FBXL17: variants seen among roughly 807,000 people sequenced by gnomAD.
FBXL17 encodes the protein F-box and leucine rich repeat protein 17, also known as F-box/LRR-repeat protein 17.
In FBXL17, 22 loss-of-function variants were observed where a neutral mutation model predicts 66.2. The ratio of observed to expected loss-of-function variants is 0.33; its 90% CI spans 0.24 to 0.47. The LOEUF (loss-of-function observed/expected upper bound fraction) is 0.47, where lower values mean the gene tolerates loss of function less well. Among genes scored for constraint, FBXL17 ranks in the 20% least tolerant of loss-of-function variants. The pLI, the probability that FBXL17 is intolerant of heterozygous loss-of-function variation, is 1.00. For missense variants in FBXL17, 878 were observed against 948.2 expected, an observed-to-expected ratio of 0.93 and a Z score of 0.97; for synonymous variants, 474 against 400.5, an observed-to-expected ratio of 1.18 and a Z score of -2.19.
At chr5:108,298,490 G>C in intron 4 of FBXL17, 1 of 975,890 alleles carries the variant, frequency 1.0e-6, no homozygotes. Context: ...AAAGCCCTAA[G>C]TTTTTCTTTA....
intron 4 of FBXL17, among the ~76,000 whole-genome samples, chr5:108,339,255 A>G (rs1746721601): frequency 1.3e-5 from 2 of 152,234 alleles, no homozygotes; most frequent in Admixed American, 6.5e-5. Flanking sequence ...GGATAAAAAC[A>G]TAAGCCAAAA....
chr5:108,327,521 T>C (rs938265139), intron 4 of FBXL17, among the ~76,000 whole-genome samples: 4 of 152,136 alleles, frequency 2.6e-5, no homozygotes, highest in South Asian at 2.1e-4. Flanking sequence ...AAGAAAATGA[T>C]AGACACCAAG....
intron 7 of FBXL17, among the ~76,000 whole-genome samples, chr5:107,964,138 T>G (rs1433891334): frequency 1.3e-5 from 2 of 152,192 alleles, no homozygotes; most frequent in African/African-American, 2.4e-5. Flanking sequence ...AGCTGGCAAC[T>G]TTTTACTTCA....
chr5:108,360,829 T>C (rs71592750), intron 3 of FBXL17, among the ~76,000 whole-genome samples: 44 of 152,148 alleles, frequency 2.9e-4, no homozygotes, highest in Admixed American at 9.8e-4. Flanking sequence ...TGTCCTATCT[T>C]CTTTCTTCCA....
At chr5:108,366,575 G>A (rs1195802383) in intron 2 of FBXL17, among the ~76,000 whole-genome samples, 1 of 151,776 alleles carries the variant, frequency 6.6e-6, no homozygotes, top group African/African-American at 2.4e-5. Context: ...GGTGGGGAGG[G>A]GGTTTGGGTG....
At chr5:108,103,117 G>T (rs1390598040) in intron 6 of FBXL17, among the ~76,000 whole-genome samples, 1 of 152,104 alleles carries the variant, frequency 6.6e-6, no homozygotes, top group Admixed American at 6.5e-5. Context: ...GTCTCTAAAG[G>T]TTTTATTTTA....
intron 6 of FBXL17, among the ~76,000 whole-genome samples, chr5:108,147,292 C>T (rs73210820): frequency 0.028 from 4,292 of 152,284 alleles, 190 homozygotes; most frequent in African/African-American, 0.097. Flanking sequence ...TCTGTCTCTC[C>T]TTTGCTATCT....
intron 5 of FBXL17, among the ~76,000 whole-genome samples, chr5:108,205,149 G>A (rs1395947342): frequency 6.6e-6 from 1 of 151,794 alleles, no homozygotes; most frequent in African/African-American, 2.4e-5. Context: ...TATCATACAA[G>A]CCATCCTCCC....
chr5:108,021,088 G>C, intron 6 of FBXL17, 87 bp from the exon 7 acceptor site: 1 of 892,314 alleles, frequency 1.1e-6, no homozygotes, highest in Non-Finnish European at 1.8e-6. Context: ...TCAGTATTTG[G>C]TGAATGCCAC....
chr5:107,877,522 G>C (rs890756959), intron 8 of FBXL17, among the ~76,000 whole-genome samples: 2 of 152,098 alleles, frequency 1.3e-5, no homozygotes, highest in African/African-American at 4.8e-5. Context: ...GTAAAGTATA[G>C]CCTCCAAATT....
chr5:108,280,384 G>C (rs4541643), intron 4 of FBXL17, among the ~76,000 whole-genome samples: 5 of 151,804 alleles, frequency 3.3e-5, no homozygotes, highest in Non-Finnish European at 7.4e-5. Flanking sequence ...ACAAAATAAA[G>C]TCTTTCCCAA....
In FBXL17 at chr5:107,859,591, G is replaced by A; in HGVS notation, c.*2129C>T. On this transcript the variant is annotated 3_prime_UTR_variant, in exon 9 of 9. Transcript: ENST00000542267. ...CCAAGCTAAAGCATGTTATAGTGCT[G>A]TACTTTAGATTCAAACAATGCAACA... 7.9e-6 allele frequency: 1 copy of A among 127,362 alleles called. No individual in the cohort carries two copies. Among genetic ancestry groups the A allele is most frequent in the Admixed American group, 1.0e-4 (1 of 9,742 alleles). The allele number at this position is 127,362 out of a possible 1,614,324, so 7.9% of individuals were successfully genotyped here. A position where few individuals can be genotyped will look rare whatever the true frequency, so the allele number is the denominator to read the frequency against.
At chr5:108,264,615 C>A (rs1403839841) in intron 4 of FBXL17, among the ~76,000 whole-genome samples, 20 of 151,928 alleles carry the variant, frequency 1.3e-4, no homozygotes, top group Admixed American at 1.3e-3. Context: ...AATTTTCTGA[C>A]CTTGAAATAA....
chr5:108,300,848 CTGA>C (rs1189422445), intron 4 of FBXL17, among the ~76,000 whole-genome samples: 2 of 151,532 alleles, frequency 1.3e-5, no homozygotes, highest in Non-Finnish European at 3.0e-5. Context: ...TTCCAAAAAA[CTGA>C]TGACTCAAAA....
At chr5:108,157,913 T>G (rs1752055765) in intron 6 of FBXL17, among the ~76,000 whole-genome samples, 2 of 152,084 alleles carry the variant, frequency 1.3e-5, no homozygotes, top group Admixed American at 1.3e-4. Flanking sequence ...TTTATTTCAT[T>G]TAATGTGTCT....
intron 7 of FBXL17, among the ~76,000 whole-genome samples, chr5:108,013,014 C>CAAAAAAAAAAAAAAAAAAAAAAAGA (rs1754242040): frequency 1.3e-5 from 1 of 79,424 alleles, no homozygotes; most frequent in Non-Finnish European, 2.3e-5. Context: ...AACTCCGTCT[C>CAAAAAAAAAAAAAAAAAAAAAAAGA]AAAAAAAAAA....
chr5:107,866,619 A>T (rs1002620017), intron 8 of FBXL17, among the ~76,000 whole-genome samples: 1 of 152,218 alleles, frequency 6.6e-6, no homozygotes, highest in Non-Finnish European at 1.5e-5. Context: ...AGTTCCAGAT[A>T]AGTGTAAACC....
rs147633970 is a variant in FBXL17 at position 108,288,739 on chromosome 5, G to C, written c.1506+59660C>G. Among the ~76,000 whole-genome samples the C allele has an allele frequency of 6.7e-4, 102 of 151,798 alleles. 1 individual carries two copies. The highest frequency in any genetic ancestry group is 2.4e-3 in the African/African-American group (98 of 41,454). On this transcript the variant is annotated intron_variant, in intron 4 of 8. Coordinates refer to ENST00000542267, the MANE Select transcript of FBXL17 (RefSeq NM_001163315.3). ...GAAATTTGTGTGGGGGTAATACAAA[G>C]GTAAATGAAAGAGAAAATACAATAA... is the stretch of plus-strand genomic sequence containing the variant.
intron 4 of FBXL17, among the ~76,000 whole-genome samples, chr5:108,240,090 T>G (rs1248875467): frequency 2.0e-5 from 3 of 151,990 alleles, no homozygotes; most frequent in African/African-American, 7.2e-5. Flanking sequence ...GGGCCTTAAG[T>G]GAGACTTAAG....
Sources: gnomAD v4.1 joint callset for allele counts (sites outside exome capture counted in the v4.1 genomes callset) on GRCh38, gnomAD v4.1.1 for gene constraint, MANE v1.5 for transcripts, NCBI Gene and HGNC (gene_info 2026-07-23, HGNC 2026-07-21) for gene names.